TMEM98: variants seen among roughly 807,000 people sequenced by gnomAD.
TMEM98 encodes transmembrane protein 98.
A neutral mutation model predicts 25.0 loss-of-function variants in TMEM98; 18 were observed. The observed-to-expected ratio is 0.72, with a 90% CI of 0.50 to 1.07. The LOEUF is 1.07. Ranked by LOEUF, TMEM98 falls within the 50% of genes least tolerant of loss-of-function variation. The pLI, the probability that TMEM98 is intolerant of heterozygous loss-of-function variation, is 0.00. For missense variants in TMEM98, 241 were observed against 289.0 expected (o/e 0.83, Z 1.20); for synonymous variants, 103 against 112.4 (o/e 0.92, Z 0.53).
chr17:32,929,928 C>T (rs1469150666), intron 1 of TMEM98, among the ~76,000 whole-genome samples: 1 of 152,108 alleles, frequency 6.6e-6, no homozygotes, highest in Admixed American at 6.6e-5. Flanking sequence ...TGTCACCTGT[C>T]TGCCTCTCCC....
chr17:32,939,236 G>A (rs969427172), intron 6 of TMEM98, among the ~76,000 whole-genome samples: 8 of 151,924 alleles, frequency 5.3e-5, no homozygotes, highest in African/African-American at 1.2e-4. Context: ...GTGAAACCCC[G>A]TCTCTACTAA....
rs1475038488 is a variant in TMEM98, at chr17:32,941,026, C to G, written c.*33C>G. ...AGGCCAGCAGCTAGCCATGAAGGCC[C>G]CTGCCGCCATCCCTGGATGGCTCAG... On this transcript the variant is annotated 3_prime_UTR_variant, in exon 8 of 8. Transcript: ENST00000579849. 6.4e-7 allele frequency: 1 copy of G among 1,550,628 alleles called. No individual in the cohort carries two copies. The highest frequency in any genetic ancestry group is 8.8e-7 in the Non-Finnish European group (1 of 1,141,310).
rs1422494345 is a variant in TMEM98 at position 32,943,265 on chromosome 17, G to T, written c.*2272G>T. The T allele has an allele frequency of 1.3e-5, 2 of 152,382 alleles. No homozygotes were observed. Among genetic ancestry groups the T allele is most frequent in the Non-Finnish European group, 2.9e-5 (2 of 68,204 alleles). The allele number at this position is 152,382 out of a possible 1,614,324, so 9.4% of individuals were successfully genotyped here. On this transcript the variant is annotated 3_prime_UTR_variant, in exon 8 of 8. Coordinates refer to ENST00000579849, the MANE Select transcript of TMEM98 (RefSeq NM_015544.3). ...AGTAAGAAGCCTCTGGATAAATTTGGTGTTGGTGGCTGATGGTTGAAGTGG... is the reference window on the plus strand; with the variant it reads ...AGTAAGAAGCCTCTGGATAAATTTGTTGTTGGTGGCTGATGGTTGAAGTGG...
Position 32,942,966 on chromosome 17 carries a change from A to C in TMEM98, c.*1973A>C, listed in dbSNP as rs2091538221. The C allele has an allele frequency of 6.6e-6, 1 of 152,238 alleles. No homozygotes were observed. Among genetic ancestry groups the C allele is most frequent in the Non-Finnish European group, 1.5e-5 (1 of 68,052 alleles). The allele number at this position is 152,238 out of a possible 1,614,324, so 9.4% of individuals were successfully genotyped here. On this transcript the variant is annotated 3_prime_UTR_variant, in exon 8 of 8. Transcript: ENST00000579849. ...CATTTTAACCTGCACTAGAGCCCTA[A>C]GCCACAGAGAAGCAGTTCTGAATTG...
intron 3 of TMEM98, 65 bp downstream of exon 3, chr17:32,931,724 C>T (rs1337199956): frequency 5.2e-6 from 8 of 1,550,008 alleles, no homozygotes; most frequent in South Asian, 2.4e-5. Flanking sequence ...GAGAGGAACA[C>T]GTAGTTCAGT....
At position 32,930,326 on chromosome 17, in the gene TMEM98, T is replaced by G. The variant is rs138261867; in HGVS notation, c.-130-1001T>G. Among the ~76,000 whole-genome samples, 224 of 152,360 alleles carry G rather than the reference T, an allele frequency of 1.5e-3. 1 individual carries two copies. Among genetic ancestry groups the G allele is most frequent in the African/African-American group, 5.3e-3 (220 of 41,592 alleles). On this transcript the variant is annotated intron_variant, in intron 1 of 7. Coordinates refer to ENST00000579849, the MANE Select transcript of TMEM98 (RefSeq NM_015544.3). ...AGTTCCTCTCTCCAGAGGCAGCTACTGTTATCAAGTTACATTTTATGTGTG... is the reference window on the plus strand; with the variant it reads ...AGTTCCTCTCTCCAGAGGCAGCTACGGTTATCAAGTTACATTTTATGTGTG...
chr17:32,936,510 G>T (rs889057329), intron 6 of TMEM98, 63 bp downstream of exon 6: 1 of 1,434,120 alleles, frequency 7.0e-7, no homozygotes, highest in Admixed American at 1.8e-5. Context: ...CTGGAAGCTG[G>T]GGTAGCCGCA....
At chr17:32,937,425 G>T (rs950143717) in intron 6 of TMEM98, among the ~76,000 whole-genome samples, 7 of 152,174 alleles carry the variant, frequency 4.6e-5, no homozygotes, top group African/African-American at 1.7e-4. Flanking sequence ...AGTGAGTTGA[G>T]AGAGTGGGAG....
intron 6 of TMEM98, 169 bp downstream of exon 6, chr17:32,936,616 T>G: frequency 1.6e-6 from 1 of 627,882 alleles, no homozygotes; most frequent in Non-Finnish European, 2.8e-6. Flanking sequence ...ATACCGAGAC[T>G]TCTCAGCTAA....
intron 3 of TMEM98, among the ~76,000 whole-genome samples, 180 bp downstream of exon 3, chr17:32,931,839 T>C (rs2091471454): frequency 6.6e-6 from 1 of 152,138 alleles, no homozygotes; most frequent in South Asian, 2.1e-4. Flanking sequence ...CCTCCCAACA[T>C]CCTGAGTCAC....
rs576139404 is a variant in TMEM98 at position 32,930,598 on chromosome 17, C to T, written c.-130-729C>T. Among the ~76,000 whole-genome samples, 11 of 152,314 alleles carry T rather than the reference C, an allele frequency of 7.2e-5. No individual in the cohort carries two copies. The South Asian group carries it at 2.3e-3, about 32-fold the overall frequency. On this transcript the variant is annotated intron_variant, in intron 1 of 7. Transcript: ENST00000579849. Reference sequence around the variant, plus strand: ...CAGAACCTTTACAGTCTTCTTTCTTCCTTAGAAAGGAAAAGTAGAGTGAAT... The same window carrying T: ...CAGAACCTTTACAGTCTTCTTTCTTTCTTAGAAAGGAAAAGTAGAGTGAAT...
intron 4 of TMEM98, 137 bp downstream of exon 4, chr17:32,933,442 G>A: frequency 8.1e-7 from 1 of 1,240,528 alleles, no homozygotes; most frequent in Non-Finnish European, 1.1e-6. Flanking sequence ...CCTTTAGTGT[G>A]GGGGAAAATC....
rs28918 is a variant in TMEM98, at chr17:32,942,302, A to C, written c.*1309A>C. 1 of 152,144 alleles carries C rather than the reference A, an allele frequency of 6.6e-6. No homozygotes were observed. Among genetic ancestry groups the C allele is most frequent in the Non-Finnish European group, 1.5e-5 (1 of 68,030 alleles). 9.4% of individuals were successfully genotyped at this position (152,144 alleles called of 1,614,324 possible). On this transcript the variant is annotated 3_prime_UTR_variant, in exon 8 of 8. Coordinates refer to ENST00000579849, the MANE Select transcript of TMEM98 (RefSeq NM_015544.3). ...TCATAAGCCTGTAGGAAAAGCTTGA[A>C]TTCTTCACTTCTCAGATTCTCAGAG...
rs59203084 is a variant in TMEM98, at chr17:32,931,585, G to A, written c.57G>A (p.Ser19=). 4.4e-6 allele frequency: 7 copies of A among 1,604,380 alleles called. No homozygotes were observed. The highest frequency in any genetic ancestry group is 3.4e-5 in the Admixed American group (2 of 58,622). ...TGCTGGCCACCATCTTTCTGGCTTC[G>A]TTTGCAGCCTTGGTGCTGGTTTGCA... ...IGVLATIFLA[S]FAALVLVCRQ... The change falls in exon 3 of 8, where the codon TCG becomes TCA. Residue 19 remains serine, a synonymous_variant. Coordinates refer to ENST00000579849, the MANE Select transcript of TMEM98 (RefSeq NM_015544.3).
chr17:32,932,461 A>C (rs192607928), intron 3 of TMEM98, among the ~76,000 whole-genome samples: 2 of 152,122 alleles, frequency 1.3e-5, no homozygotes, highest in Non-Finnish European at 2.9e-5. Context: ...GCAAGATTCT[A>C]TTTTCAATTT....
intron 6 of TMEM98, among the ~76,000 whole-genome samples, chr17:32,939,008 CTT>C (rs2091512806): frequency 6.6e-6 from 1 of 152,170 alleles, no homozygotes; most frequent in African/African-American, 2.4e-5. Flanking sequence ...AACCTGAAGT[CTT>C]TGTGCCTAAG....
rs200836615 is a variant in TMEM98 at position 32,939,510 on chromosome 17, G to A, written c.447G>A (p.Pro149=). The change falls in exon 7 of 8, where the codon CCG becomes CCA. Residue 149 remains proline (P), a synonymous_variant. Transcript: ENST00000579849. ...VDDVVKSMYP[P]LDPKLLDART... is the part of the protein sequence containing the mutation. ...ATGTTGTGAAGTCGATGTACCCTCC[G>A]TTGGACCCCAAACTCCTGGACGCAC... 12 of 1,613,936 alleles carry A rather than the reference G, an allele frequency of 7.4e-6. No homozygotes were observed. The highest frequency in any genetic ancestry group is 1.0e-5 in the Non-Finnish European group (12 of 1,179,968).
At chr17:32,929,956 A>G (rs1648957680) in intron 1 of TMEM98, among the ~76,000 whole-genome samples, 1 of 152,144 alleles carries the variant, frequency 6.6e-6, no homozygotes, top group South Asian at 2.1e-4. Context: ...CCTTAAGATC[A>G]GGGTCTCTGT....
At chr17:32,935,775 C>T (rs746112093) in intron 5 of TMEM98, among the ~76,000 whole-genome samples, 11 of 152,118 alleles carry the variant, frequency 7.2e-5, no homozygotes, top group Non-Finnish European at 1.5e-4. Context: ...GGTGGGACCA[C>T]GAAGAAGGCT....
Sources: allele counts gnomAD v4.1 joint callset (sites outside exome capture counted in the v4.1 genomes callset), GRCh38; gene constraint gnomAD v4.1.1; transcripts MANE v1.5; gene names NCBI Gene and HGNC (gene_info 2026-07-23, HGNC 2026-07-21).